PHF14: variants seen among roughly 807,000 people sequenced by gnomAD.
The protein encoded by PHF14 is PHD finger protein 14.
Under a neutral mutation model 117.9 loss-of-function variants are expected in PHF14, and 55 were observed. The observed-to-expected ratio is 0.47, with a 90% confidence interval of 0.38 to 0.58. The LOEUF is 0.58. Ranked by LOEUF, PHF14 falls within the 20% of genes least tolerant of loss-of-function variation. The pLI, the probability that PHF14 is intolerant of heterozygous loss-of-function variation, is 0.00. For synonymous variants in PHF14, 409 were observed against 368.6 expected, an observed-to-expected ratio of 1.11 and a Z score of -1.26; for missense variants, 978 against 1,122.2, an observed-to-expected ratio of 0.87 and a Z score of 1.84.
chr7:10,982,324 G>A, intron 2 of PHF14, 48 bp from the exon 3 acceptor site: 1 of 1,201,228 alleles, frequency 8.3e-7, no homozygotes, highest in Middle Eastern at 2.6e-4. Context: ...GTGTGTGTGT[G>A]TATGTATATA....
chr7:10,992,863 G>C (rs1782510888), intron 4 of PHF14, among the ~76,000 whole-genome samples: 1 of 152,146 alleles, frequency 6.6e-6, no homozygotes, highest in African/African-American at 2.4e-5. Flanking sequence ...TGTCTGTTTA[G>C]TCACCTTTAA....
intron 4 of PHF14, among the ~76,000 whole-genome samples, chr7:10,996,022 G>A (rs534669457): frequency 8.7e-4 from 133 of 152,358 alleles, no homozygotes; most frequent in African/African-American, 3.0e-3. Context: ...CAGAGTGGGC[G>A]CCAAGGCCGA....
At chr7:11,054,920 T>C (rs1210047933) in intron 14 of PHF14, among the ~76,000 whole-genome samples, 1 of 152,158 alleles carries the variant, frequency 6.6e-6, no homozygotes, top group Admixed American at 6.6e-5. Context: ...GTTAGTCTTA[T>C]TATTCTGTCA....
Position 10,974,104 on chromosome 7 carries a change from A to C in PHF14, c.-220A>C. ...TCTCCGGCCAGGGAGCGCTGTGGGAAGGGGCTCGAGCGGCCAGGGCCAGGC... is the reference window on the plus strand; with the variant it reads ...TCTCCGGCCAGGGAGCGCTGTGGGACGGGGCTCGAGCGGCCAGGGCCAGGC... On this transcript the variant is annotated 5_prime_UTR_variant, in exon 1 of 18. Transcript: ENST00000634607. 3.9e-6 allele frequency: 2 copies of C among 508,692 alleles called. No homozygotes were observed. The highest frequency in any genetic ancestry group is 3.3e-5 in the East Asian group (1 of 30,582). 31.5% of individuals were successfully genotyped at this position (508,692 alleles called of 1,614,324 possible). A position where few individuals can be genotyped will look rare whatever the true frequency, so the allele number is the denominator to read the frequency against.
intron 7 of PHF14, among the ~76,000 whole-genome samples, chr7:11,035,183 C>T (rs947939349): frequency 6.6e-6 from 1 of 150,904 alleles, no homozygotes; most frequent in African/African-American, 2.4e-5. Flanking sequence ...TGCACATTTA[C>T]ATTTGTGTAT....
chr7:11,124,566 C>A (rs1351684561), intron 17 of PHF14, among the ~76,000 whole-genome samples: 1 of 151,940 alleles, frequency 6.6e-6, no homozygotes, highest in Non-Finnish European at 1.5e-5. Context: ...TCTATGTAAT[C>A]CTCACCACAA....
rs147377462 is a variant in PHF14, at chr7:11,087,316, C to T, written c.2655-24034C>T. Among the ~76,000 whole-genome samples, 1,030 of 152,106 alleles carry T rather than the reference C, an allele frequency of 6.8e-3. 11 individuals are homozygous for T. Among genetic ancestry groups the T allele is most frequent in the African/African-American group, 0.023 (970 of 41,514 alleles). On this transcript the variant is annotated intron_variant, in intron 16 of 17. Transcript: ENST00000634607. ...AAGCGATTTTTCTGCCCCAGCCTCC[C>T]GAGTAGCTGGGACTACAGGCGCACA... is the stretch of plus-strand genomic sequence containing the variant.
chr7:10,995,517 T>C (rs367913646), intron 4 of PHF14, among the ~76,000 whole-genome samples: 10 of 152,288 alleles, frequency 6.6e-5, no homozygotes, highest in East Asian at 5.8e-4. Flanking sequence ...CAGGGCCACA[T>C]GTGGAGCTGC....
rs116824642 is a variant in PHF14 at position 11,160,757 on chromosome 7, T to A, written c.2773-8659T>A. Among the ~76,000 whole-genome samples the A allele has an allele frequency of 4.2e-3, 636 of 152,294 alleles. 6 individuals carry two copies. Among genetic ancestry groups the A allele is most frequent in the African/African-American group, 0.015 (606 of 41,566 alleles). ...TTCATGTCTTTTGCCCACTTTTTAA[T>A]TGAGTCATTTGTTTTTTGCTTTTTG... On this transcript the variant is annotated intron_variant, in intron 17 of 17. Coordinates refer to ENST00000634607, the MANE Select transcript of PHF14 (RefSeq NM_001007157.2).
intron 17 of PHF14, among the ~76,000 whole-genome samples, chr7:11,156,620 C>A (rs570661531): frequency 6.6e-6 from 1 of 152,044 alleles, no homozygotes; most frequent in East Asian, 1.9e-4. Context: ...ATGGTGAAAC[C>A]CTATCTCTAC....
rs114865147 is a variant in PHF14, at chr7:11,035,466, A to T, written c.1456-174A>T. ...AATTTGAAGTTGACATACAAGATCA[A>T]GTTTCTAAAGAAGTAATTTTTGTCA... is the stretch of plus-strand genomic sequence containing the variant. On this transcript the variant is annotated intron_variant, in intron 7 of 17. Coordinates refer to ENST00000634607, the MANE Select transcript of PHF14 (RefSeq NM_001007157.2). 6.3e-3 allele frequency: 2,346 copies of T among 375,160 alleles called. 45 individuals carry two copies. The highest frequency in any genetic ancestry group is 0.045 in the African/African-American group (2,174 of 48,162). The allele number at this position is 375,160 out of a possible 1,614,324, so 23.2% of individuals were successfully genotyped here.
intron 16 of PHF14, among the ~76,000 whole-genome samples, chr7:11,096,857 C>G (rs962370871): frequency 6.6e-6 from 1 of 151,110 alleles, no homozygotes; most frequent in Non-Finnish European, 1.5e-5. Flanking sequence ...TGACTTATCA[C>G]TATATACTGG....
chr7:11,161,053 C>T (rs1253511124), intron 17 of PHF14, among the ~76,000 whole-genome samples: 1 of 152,112 alleles, frequency 6.6e-6, no homozygotes, highest in African/African-American at 2.4e-5. Context: ...TGAGGTCTTA[C>T]ATTTAAATCT....
chr7:11,107,903 C>G (rs1787324871), intron 16 of PHF14: 1 of 198,284 alleles, frequency 5.0e-6, no homozygotes, highest in Admixed American at 6.6e-5. Flanking sequence ...TCAATAACTA[C>G]TTTAACTCCA....
chr7:11,152,255 G>A (rs1463236256), intron 17 of PHF14, among the ~76,000 whole-genome samples: 8 of 152,100 alleles, frequency 5.3e-5, no homozygotes, highest in Non-Finnish European at 8.8e-5. Context: ...CTGTACATAC[G>A]GTATATTGAA....
chr7:11,102,430 A>C, intron 16 of PHF14: 3 of 1,582,634 alleles, frequency 1.9e-6, no homozygotes, highest in Non-Finnish European at 2.6e-6. Context: ...GACATAGTGC[A>C]GAGCTGCTAT....
intron 16 of PHF14, among the ~76,000 whole-genome samples, chr7:11,100,989 T>G (rs1787066836): frequency 6.6e-6 from 1 of 151,862 alleles, no homozygotes; most frequent in South Asian, 2.1e-4. Flanking sequence ...TGAAAACAAT[T>G]TTTTCTACAT....
chr7:10,994,050 AT>A (rs1409401982), intron 4 of PHF14, among the ~76,000 whole-genome samples: 1 of 151,718 alleles, frequency 6.6e-6, no homozygotes, highest in Non-Finnish European at 1.5e-5. Flanking sequence ...ATCCACTCTG[AT>A]AAGAGGATAT....
At chr7:11,085,652 C>A (rs915284260) in intron 16 of PHF14, among the ~76,000 whole-genome samples, 3 of 151,928 alleles carry the variant, frequency 2.0e-5, no homozygotes, top group Non-Finnish European at 4.4e-5. Context: ...TTGTTTTTTT[C>A]CTTTTTTTTG....
Sources: gnomAD v4.1 joint callset for allele counts (sites outside exome capture counted in the v4.1 genomes callset) on GRCh38, gnomAD v4.1.1 for gene constraint, MANE v1.5 for transcripts, NCBI Gene and HGNC (gene_info 2026-07-23, HGNC 2026-07-21) for gene names.